The following LRP6 variants were observed in gnomAD, a reference collection of about 807,000 sequenced individuals.
The protein encoded by LRP6 is LDL receptor related protein 6.
In LRP6, 43 loss-of-function variants were observed where a neutral mutation model predicts 184.1. The observed-to-expected ratio is 0.23, with a 90% confidence interval of 0.18 to 0.30. LRP6 has a LOEUF of 0.30. Among genes scored for constraint, LRP6 ranks in the 10% least tolerant of loss-of-function variants. The probability of loss-of-function intolerance (pLI) is 1.00; values close to 1 mark genes in which losing one functional copy is unlikely to be tolerated. For synonymous variants in LRP6, 719 were observed against 684.9 expected, an observed-to-expected ratio of 1.05 and a Z score of -0.78; for missense variants, 1,571 against 2,005.3, an observed-to-expected ratio of 0.78 and a Z score of 4.14.
In LRP6 at chr12:12,158,933, C is replaced by T; in HGVS notation, c.2687G>A (p.Ser896Asn). 1 of 1,614,216 alleles carries T rather than the reference C, an allele frequency of 6.2e-7. No individual in the cohort carries two copies. Among genetic ancestry groups the T allele is most frequent in the Non-Finnish European group, 8.5e-7 (1 of 1,180,040 alleles). The part of the protein sequence containing the change: ...RQSGWNECAS[S>N]NGHCSHLCLA... ...GCAGAGGTGGGAGCAGTGCCCATTG[C>T]TGGAAGCACATTCATTCCACCCTGA... Residue 896 changes from serine to asparagine, a missense_variant, in exon 12 of 23, where the codon AGC becomes AAC. Physicochemically the swap from Ser to Asn is conservative, Grantham distance 46 (BLOSUM62 1). This residue lies in a region of LRP6 where 158 missense variants were observed against 258.4 expected (regional missense o/e 0.61). Coordinates refer to ENST00000261349, the MANE Select transcript of LRP6 (RefSeq NM_002336.3).
rs1392367398 is a variant in LRP6, at chr12:12,150,868, T to C, written c.2962A>G (p.Met988Val). Residue 988 changes from methionine (M) to valine (V), a missense_variant, in exon 13 of 23, where the codon ATG becomes GTG. Physicochemically the swap from Met to Val is conservative, Grantham distance 21. Around this residue, in one of 4 missense-constraint regions of LRP6, gnomAD observed 763 missense variants for 859.5 expected, o/e 0.89. Transcript: ENST00000261349. ...QLYWIDSRQN[M>V]IRKAQEDGSQ... ...CCATCTTCTTGTGCCTTTCGGATCA[T>C]GTTTTGTCGTGAGTCAATCCAATAG... 2 of 1,613,968 alleles carry C rather than the reference T, an allele frequency of 1.2e-6. No homozygotes were observed. The highest frequency in any genetic ancestry group is 2.2e-5 in the East Asian group (1 of 44,896).
chr12:12,266,576 TCTCCCCTTCTCCCTTCCTCCGTCCCTCCC>T, intron 1 of LRP6, 76 bp downstream of exon 1: 1 of 716,246 alleles, frequency 1.4e-6, no homozygotes, highest in Non-Finnish European at 2.3e-6. Context: ...TCCCCGCTCC[TCTCCCCTTCTCCCTTCCTCCGTCCCTCCC>T]CTCCCCCTAG....
At chr12:12,134,454 G>C (rs977042380) in intron 17 of LRP6, among the ~76,000 whole-genome samples, 4 of 152,110 alleles carry the variant, frequency 2.6e-5, no homozygotes, top group African/African-American at 9.7e-5. Flanking sequence ...TACTATTGTG[G>C]TGCCTGATAC....
At chr12:12,168,285 C>T (rs1269066498) in intron 7 of LRP6, among the ~76,000 whole-genome samples, 2 of 151,984 alleles carry the variant, frequency 1.3e-5, no homozygotes, top group Non-Finnish European at 2.9e-5. Context: ...ACACATATCC[C>T]CTCTCTGTAA....
chr12:12,119,987 C>CAAACAAACAAACAAAAAAAAAA lies in LRP6; in HGVS notation c.*1138_*1139insTTTTTTTTTTGTTTGTTTGTTT, dbSNP rs567315765. 2 of 42,938 alleles carry CAAACAAACAAACAAAAAAAAAA rather than the reference C, an allele frequency of 4.7e-5. No homozygotes were observed. Among genetic ancestry groups the CAAACAAACAAACAAAAAAAAAA allele is most frequent in the African/African-American group, 1.8e-4 (2 of 10,938 alleles). 2.7% of individuals were successfully genotyped at this position (42,938 alleles called of 1,614,324 possible). A position where few individuals can be genotyped will look rare whatever the true frequency, so the allele number is the denominator to read the frequency against. ...TTTACTCAGAAAACAAACAAACAAA[C>CAAACAAACAAACAAAAAAAAAA]AAAATATATATATATATATATATAT... On this transcript the variant is annotated 3_prime_UTR_variant, in exon 23 of 23. Transcript: ENST00000261349.
At chr12:12,201,547 A>G (rs1863914157) in intron 3 of LRP6, among the ~76,000 whole-genome samples, 1 of 152,112 alleles carries the variant, frequency 6.6e-6, no homozygotes, top group African/African-American at 2.4e-5. Flanking sequence ...TTACTCTCGC[A>G]TAGACAGTGA....
chr12:12,260,643 G>GTCTACTATTGACTGTGCGT (rs1364765387), intron 1 of LRP6, among the ~76,000 whole-genome samples: 19 of 152,100 alleles, frequency 1.2e-4, no homozygotes, highest in Non-Finnish European at 1.5e-5. Context: ...TTTATTCAAT[G>GTCTACTATTGACTGTGCGT]TCTACTATTG....
intron 2 of LRP6, among the ~76,000 whole-genome samples, chr12:12,217,214 T>A (rs1864371225): frequency 6.6e-6 from 1 of 152,148 alleles, no homozygotes; most frequent in South Asian, 2.1e-4. Context: ...CTCTGTCAGA[T>A]CAGTGGAGGT....
chr12:12,120,153 A>C lies in LRP6; in HGVS notation c.*973T>G, dbSNP rs1007502517. 3 of 151,196 alleles carry C rather than the reference A, an allele frequency of 2.0e-5. No homozygotes were observed. Among genetic ancestry groups the C allele is most frequent in the African/African-American group, 7.3e-5 (3 of 41,168 alleles). The allele number at this position is 151,196 out of a possible 1,614,324, so 9.4% of individuals were successfully genotyped here. On this transcript the variant is annotated 3_prime_UTR_variant, in exon 23 of 23. Transcript: ENST00000261349. ...CTTAAACATTGTCTATATGTGTTGT[A>C]AAAAGACATTTTAATGAGCATTAAA...
chr12:12,219,268 C>T (rs190113860), intron 2 of LRP6, among the ~76,000 whole-genome samples: 3 of 152,108 alleles, frequency 2.0e-5, no homozygotes, highest in Non-Finnish European at 4.4e-5. Flanking sequence ...GCAGTGGCAC[C>T]GTCTCGGCTC....
At position 12,159,142 on chromosome 12, in the gene LRP6, T is replaced by G. The variant is rs1484079421; in HGVS notation, c.2478A>C (p.Glu826Asp). Reference sequence around the variant, plus strand: ...GATGAGGCAAGTCATCTGCTATAACTTCACGGTTGAGCCCTATTTTCAGAA... The same window carrying G: ...GATGAGGCAAGTCATCTGCTATAACGTCACGGTTGAGCCCTATTTTCAGAA... ...ESSNMLGLNR[E>D]VIADDLPHPF... is the part of the protein sequence containing the mutation. Residue 826 changes from glutamate (E) to aspartate (D), a missense_variant, in exon 12 of 23, where the codon GAA becomes GAC. Glu to Asp is a conservative substitution (Grantham distance 45). This residue lies in a region of LRP6 where 158 missense variants were observed against 258.4 expected (regional missense o/e 0.61). Coordinates refer to ENST00000261349, the MANE Select transcript of LRP6 (RefSeq NM_002336.3). The G allele has an allele frequency of 3.1e-6, 5 of 1,613,904 alleles. No homozygotes were observed. Among genetic ancestry groups the G allele is most frequent in the Non-Finnish European group, 3.4e-6 (4 of 1,179,964 alleles).
intron 15 of LRP6, among the ~76,000 whole-genome samples, chr12:12,141,779 G>A (rs903588422): frequency 4.3e-4 from 65 of 152,132 alleles, no homozygotes; most frequent in African/African-American, 1.4e-3. Flanking sequence ...AACTCTGCAG[G>A]GAGGAAAAAA....
chr12:12,124,650 G>A lies in LRP6; in HGVS notation c.4462C>T (p.Pro1488Ser), dbSNP rs1380591650. 1 of 1,610,194 alleles carries A rather than the reference G, an allele frequency of 6.2e-7. No individual in the cohort carries two copies. Among genetic ancestry groups the A allele is most frequent in the South Asian group, 1.1e-5 (1 of 90,492 alleles). ...GTYFPAILNP[P>S]PSPATERSHY... ...GATCGCTCTGTGGCTGGGGATGGTG[G>A]AGGGTTCAAAATCTAAAAGAAAAAA... Residue 1488 changes from proline (P) to serine (S), a missense_variant, in exon 22 of 23, where the codon CCA (proline) becomes TCA (serine). Physicochemically the swap from Pro to Ser is moderately conservative, Grantham distance 74. Transcript: ENST00000261349.
intron 2 of LRP6, among the ~76,000 whole-genome samples, chr12:12,212,343 C>T (rs1448120519): frequency 1.8e-4 from 28 of 152,292 alleles, no homozygotes; most frequent in Non-Finnish European, 2.9e-5. Flanking sequence ...TTAATGATTA[C>T]ATTATTCTAC....
chr12:12,165,365 C>T (rs1862852206), intron 7 of LRP6, 70 bp from the exon 8 acceptor site: 3 of 1,059,278 alleles, frequency 2.8e-6, no homozygotes, highest in East Asian at 4.7e-5. Flanking sequence ...ATAACAAATC[C>T]AACTGCCTGT....
chr12:12,219,346 T>C (rs1366504500), intron 2 of LRP6, among the ~76,000 whole-genome samples: 4 of 152,004 alleles, frequency 2.6e-5, no homozygotes, highest in South Asian at 2.1e-4. Flanking sequence ...GCTGGGACTA[T>C]AGGTGCCCGC....
Position 12,266,959 on chromosome 12 carries a change from C to A in LRP6, c.-224G>T, listed in dbSNP as rs1217139085. 1.8e-6 allele frequency: 1 copy of A among 550,566 alleles called. No individual in the cohort carries two copies. The highest frequency in any genetic ancestry group is 2.3e-5 in the South Asian group (1 of 44,044). The allele number at this position is 550,566 out of a possible 1,614,324, so 34.1% of individuals were successfully genotyped here. On this transcript the variant is annotated 5_prime_UTR_variant, in exon 1 of 23. The change abolishes an upstream ATG in the 5' untranslated region. Coordinates refer to ENST00000261349, the MANE Select transcript of LRP6 (RefSeq NM_002336.3). Reference sequence around the variant, plus strand: ...CTCGCGCGACGCCAGCGTCTGCTTCCATCCCGCCGCCTCCTCCCCCGGCGC... The same window carrying A: ...CTCGCGCGACGCCAGCGTCTGCTTCAATCCCGCCGCCTCCTCCCCCGGCGC...
chr12:12,145,628 T>TG (rs11398350), intron 15 of LRP6, among the ~76,000 whole-genome samples: 1 of 119,814 alleles, frequency 8.3e-6, no homozygotes, highest in Non-Finnish European at 1.6e-5. Flanking sequence ...CTTTTTCTTT[T>TG]TTTTTTTTTT....
intron 3 of LRP6, among the ~76,000 whole-genome samples, chr12:12,197,517 G>T (rs1863795150): frequency 6.6e-6 from 1 of 152,056 alleles, no homozygotes; most frequent in African/African-American, 2.4e-5. Flanking sequence ...ATATATTTTT[G>T]AAAGATAAAA....
Sources: gnomAD v4.1 joint callset for allele counts (sites outside exome capture counted in the v4.1 genomes callset) on GRCh38, gnomAD v4.1.1 for gene constraint, gnomAD v4.1.1 regional missense constraint, MANE v1.5 for transcripts, NCBI Gene and HGNC (gene_info 2026-07-23, HGNC 2026-07-21) for gene names.